The following UNC13A variants were observed in gnomAD, a reference collection of about 807,000 sequenced individuals.
The protein encoded by UNC13A is protein unc-13 homolog A.
A neutral mutation model predicts 219.7 loss-of-function variants in UNC13A; 61 were observed. That is an observed-to-expected ratio of 0.28 (90% CI 0.23 to 0.34). The LOEUF is 0.34. Among genes scored for constraint, UNC13A ranks in the 10% least tolerant of loss-of-function variants. The probability of loss-of-function intolerance (pLI) is 1.00; values close to 1 mark genes in which losing one functional copy is unlikely to be tolerated. For synonymous variants in UNC13A, 920 were observed against 884.6 expected (o/e 1.04, Z -0.71); for missense variants, 1,476 against 2,270.3 (o/e 0.65, Z 7.11).
At chr19:17,631,155 C>CCATCCT (rs2076843114) in intron 28 of UNC13A, among the ~76,000 whole-genome samples, 1 of 16,466 alleles carries the variant, frequency 6.1e-5, no homozygotes, top group Non-Finnish European at 1.6e-4. Context: ...CTCTTGTTTT[C>CCATCCT]TCCCTCCCTC....
chr19:17,640,714 A>G, intron 21 of UNC13A, 53 bp from the exon 22 acceptor site: 2 of 1,497,360 alleles, frequency 1.3e-6, no homozygotes, highest in Non-Finnish European at 1.8e-6. Context: ...AGGATGGACC[A>G]AGATCCCCCC....
intron 20 of UNC13A, among the ~76,000 whole-genome samples, chr19:17,641,965 C>T (rs940281945): frequency 6.6e-6 from 1 of 152,026 alleles, no homozygotes; most frequent in Admixed American, 6.6e-5. Flanking sequence ...TCAATACTTG[C>T]AATAGTTCAA....
chr19:17,659,852 C>T (rs2079521717), intron 8 of UNC13A, among the ~76,000 whole-genome samples: 1 of 152,120 alleles, frequency 6.6e-6, no homozygotes, highest in Non-Finnish European at 1.5e-5. Context: ...GAAAAAACCC[C>T]CAGACCCCAA....
intron 21 of UNC13A, among the ~76,000 whole-genome samples, chr19:17,640,925 C>T (rs950391039): frequency 2.0e-5 from 3 of 148,088 alleles, no homozygotes; most frequent in Non-Finnish European, 3.0e-5. Context: ...GTCACCCAGG[C>T]TGGAGTTTAG....
At chr19:17,652,544 T>A in intron 12 of UNC13A, 87 bp downstream of exon 12, 1 of 1,563,332 alleles carries the variant, frequency 6.4e-7, no homozygotes, top group Non-Finnish European at 8.8e-7. Flanking sequence ...CCCCTCCTCC[T>A]CCTCTCTGGG....
At chr19:17,673,133 G>A (rs550833462) in intron 3 of UNC13A, among the ~76,000 whole-genome samples, 1 of 152,000 alleles carries the variant, frequency 6.6e-6, no homozygotes, top group Non-Finnish European at 1.5e-5. Context: ...CGAGATGGGC[G>A]GATCACCTGA....
Position 17,645,728 on chromosome 19 carries a change from T to C in UNC13A, c.2302A>G (p.Thr768Ala). 1 of 1,614,222 alleles carries C rather than the reference T, an allele frequency of 6.2e-7. No individual in the cohort carries two copies. Among genetic ancestry groups the C allele is most frequent in the African/African-American group, 1.3e-5 (1 of 75,058 alleles). Reference sequence around the variant, plus strand: ...CTGAGCGTCCGCACCTCAATGATCGTCTGCCCCAGGAAATCGTCAGATTCC... The same window carrying C: ...CTGAGCGTCCGCACCTCAATGATCGCCTGCCCCAGGAAATCGTCAGATTCC... ...KRESDDFLGQ[T>A]IIEVRTLSGE... The change falls in exon 19 of 44, where the codon ACG (threonine) becomes GCG (alanine). Residue 768 changes from threonine (T) to alanine (A), a missense_variant. This residue lies in a region of UNC13A where 66 missense variants were observed against 224.3 expected (regional missense o/e 0.29). Transcript: ENST00000519716.
chr19:17,688,295 C>CG lies in UNC13A; in HGVS notation c.-97dup. Reference sequence around the variant, plus strand: ...GCTGGGGCATCTCCCGGCTGCAGCCCGCGCTTGGCTCACGCCGGGGCCCGG... The same window carrying CG: ...GCTGGGGCATCTCCCGGCTGCAGCCCGGCGCTTGGCTCACGCCGGGGCCCGG... On this transcript the variant is annotated 5_prime_UTR_variant, in exon 1 of 44. Transcript: ENST00000519716. The CG allele has an allele frequency of 7.4e-7, 1 of 1,349,066 alleles. No homozygotes were observed. Among genetic ancestry groups the CG allele is most frequent in the African/African-American group, 1.5e-5 (1 of 64,588 alleles). 83.6% of individuals were successfully genotyped at this position (1,349,066 alleles called of 1,614,324 possible).
chr19:17,645,166 G>A lies in UNC13A; in HGVS notation c.2356+508C>T, dbSNP rs548879350. Among the ~76,000 whole-genome samples, 83 of 151,534 alleles carry A rather than the reference G, an allele frequency of 5.5e-4. 4 individuals carry two copies. The South Asian group carries it at 0.017, about 30-fold the overall frequency. ...TGGGACTACAGGCACCCACCACCAC[G>A]CCTGGCTAATTTTTGTATTTTTAGT... On this transcript the variant is annotated intron_variant, in intron 19 of 43. Transcript: ENST00000519716.
chr19:17,648,706 C>A (rs2079289298), intron 15 of UNC13A, 56 bp from the exon 16 acceptor site: 3 of 1,575,376 alleles, frequency 1.9e-6, no homozygotes, highest in Non-Finnish European at 1.7e-6. Context: ...CTGTCCCTGT[C>A]CTGCCCCATT....
chr19:17,658,290 G>T, intron 8 of UNC13A, 21 bp from the exon 9 acceptor site: 1 of 1,600,284 alleles, frequency 6.2e-7, no homozygotes, highest in South Asian at 1.1e-5. Context: ...GAGGCGGTAT[G>T]GGAAGAGGGT....
At position 17,674,075 on chromosome 19, in the gene UNC13A, G is replaced by A. The variant is rs888137561; in HGVS notation, c.152+582C>T. Among the ~76,000 whole-genome samples, 2 of 152,210 alleles carry A rather than the reference G, an allele frequency of 1.3e-5. No individual in the cohort carries two copies. The highest frequency in any genetic ancestry group is 4.8e-5 in the African/African-American group (2 of 41,444). ...TGGGAAGGCATGATGCCCTGAAATT[G>A]TAGCTTGGAGGTAGTGGTCAGGGAG... On this transcript the variant is annotated intron_variant, in intron 3 of 43. Transcript: ENST00000519716. This position sits in a 1 kb window ranked among gnomAD's most constrained non-coding sequence, Gnocchi z 5.0.
At chr19:17,643,114 C>T (rs1023179746) in intron 19 of UNC13A, among the ~76,000 whole-genome samples, 154 bp from the exon 20 acceptor site, 3 of 152,000 alleles carry the variant, frequency 2.0e-5, no homozygotes, top group African/African-American at 4.8e-5. Flanking sequence ...TGGGTTCAAG[C>T]GATTCTCCTG....
At chr19:17,636,272 G>T in intron 25 of UNC13A, 115 bp from the exon 26 acceptor site, 1 of 1,276,772 alleles carries the variant, frequency 7.8e-7, no homozygotes, top group Non-Finnish European at 1.0e-6. Context: ...TCATGTGTAT[G>T]GTTCAGGTAA....
chr19:17,639,955 C>A (rs2076950678), intron 22 of UNC13A, 47 bp from the exon 23 acceptor site: 1 of 1,595,334 alleles, frequency 6.3e-7, no homozygotes, highest in African/African-American at 1.3e-5. Context: ...CAGGACATGG[C>A]CGCCATAGTG....
At chr19:17,640,148 C>T (rs2076953489) in intron 22 of UNC13A, among the ~76,000 whole-genome samples, 2 of 152,144 alleles carry the variant, frequency 1.3e-5, no homozygotes, top group Admixed American at 1.3e-4. Context: ...AATTCTCCTG[C>T]CTCAGCCTCC....
intron 1 of UNC13A, among the ~76,000 whole-genome samples, chr19:17,685,059 G>C (rs940441370): frequency 1.3e-5 from 2 of 152,186 alleles, no homozygotes; most frequent in Non-Finnish European, 2.9e-5. Context: ...GGGCTGCTTT[G>C]AATGTCCAGG....
intron 1 of UNC13A, among the ~76,000 whole-genome samples, chr19:17,685,344 C>A (rs2080087933): frequency 6.6e-6 from 1 of 152,102 alleles, no homozygotes; most frequent in East Asian, 1.9e-4. Context: ...GTGCGCGCCA[C>A]CACACCTGGC....
chr19:17,636,035 G>A lies in UNC13A; in HGVS notation c.3204C>T (p.Pro1068=). The A allele has an allele frequency of 6.2e-7, 1 of 1,611,756 alleles. No individual in the cohort carries two copies. The highest frequency in any genetic ancestry group is 1.1e-5 in the South Asian group (1 of 90,784). The change falls in exon 26 of 44, where the codon CCC becomes CCT. Residue 1068 remains proline (P), a synonymous_variant. Coordinates refer to ENST00000519716, the MANE Select transcript of UNC13A (RefSeq NM_001080421.3). Reference sequence around the variant, plus strand: ...GATACACAACTCACTGGTTGAGGCAGGGAGTGTAGGAATTCTTGTCTTCCT... The same window carrying A: ...GATACACAACTCACTGGTTGAGGCAAGGAGTGTAGGAATTCTTGTCTTCCT... ...IIEEDKNSYT[P]CLNQFPQELN... is the part of the protein sequence containing the mutation.
Sources: gnomAD v4.1 joint callset for allele counts (sites outside exome capture counted in the v4.1 genomes callset) on GRCh38, gnomAD v4.1.1 for gene constraint, gnomAD v4.1.1 regional missense constraint, Gnocchi (gnomAD v3.1) non-coding constraint, MANE v1.5 for transcripts, NCBI Gene and HGNC (gene_info 2026-07-23, HGNC 2026-07-21) for gene names.